The following CPEB2 variants were observed in gnomAD, a reference collection of about 807,000 sequenced individuals.
CPEB2 encodes the protein cytoplasmic polyadenylation element-binding protein 2.
A neutral mutation model predicts 93.6 loss-of-function variants in CPEB2; 56 were observed. The ratio of observed to expected loss-of-function variants is 0.60; its 90% CI spans 0.48 to 0.75. CPEB2 has a LOEUF of 0.75. CPEB2 is among the 30% of genes least tolerant of loss of function. The pLI is 0.00. For missense variants in CPEB2, 1,579 were observed against 1,395.1 expected, an observed-to-expected ratio of 1.13 and a Z score of -2.10; for synonymous variants, 764 against 586.3, an observed-to-expected ratio of 1.30 and a Z score of -4.38.
chr4:15,037,574 A>G (rs536343833), intron 5 of CPEB2, among the ~76,000 whole-genome samples: 1 of 152,264 alleles, frequency 6.6e-6, no homozygotes, highest in Admixed American at 6.5e-5. Flanking sequence ...TTTTGTAGCT[A>G]TGGATTAGAT....
At chr4:15,046,652 A>G (rs1214257941) in intron 6 of CPEB2, among the ~76,000 whole-genome samples, 1 of 152,020 alleles carries the variant, frequency 6.6e-6, no homozygotes, top group Non-Finnish European at 1.5e-5. Flanking sequence ...AACCCATTCC[A>G]TTGTATTCTT....
chr4:15,065,349 T>C (rs946985626), intron 11 of CPEB2, among the ~76,000 whole-genome samples: 11 of 152,138 alleles, frequency 7.2e-5, no homozygotes, highest in Non-Finnish European at 1.2e-4. Flanking sequence ...GCTGTTATGC[T>C]GTCTGGCACT....
chr4:15,064,565 C>G (rs888266499), intron 11 of CPEB2, among the ~76,000 whole-genome samples: 1 of 150,922 alleles, frequency 6.6e-6, no homozygotes, highest in Admixed American at 6.6e-5. Context: ...TTCAATCTGT[C>G]TAAAATCTTA....
At chr4:15,021,358 G>A (rs1015815654) in intron 4 of CPEB2, among the ~76,000 whole-genome samples, 1 of 152,044 alleles carries the variant, frequency 6.6e-6, no homozygotes, top group African/African-American at 2.4e-5. Flanking sequence ...GTACTGTTTT[G>A]TAGTTTTTCA....
At chr4:15,024,732 T>A (rs1007718811) in intron 4 of CPEB2, among the ~76,000 whole-genome samples, 2 of 140,152 alleles carry the variant, frequency 1.4e-5, no homozygotes, top group African/African-American at 5.3e-5. Context: ...TGGGATATTA[T>A]TTCTTTGATA....
At chr4:15,031,860 G>T (rs4345178) in intron 4 of CPEB2, among the ~76,000 whole-genome samples, 1 of 151,966 alleles carries the variant, frequency 6.6e-6, no homozygotes, top group Admixed American at 6.6e-5. Flanking sequence ...AAATCCAACC[G>T]ACAATCTCCA....
intron 4 of CPEB2, among the ~76,000 whole-genome samples, chr4:15,021,432 C>A (rs1219115775): frequency 1.3e-5 from 2 of 152,034 alleles, no homozygotes; most frequent in African/African-American, 2.4e-5. Context: ...TATATATATT[C>A]CCCCTTTAAC....
At chr4:15,013,426 G>A (rs1395278278) in intron 3 of CPEB2, among the ~76,000 whole-genome samples, 1 of 151,940 alleles carries the variant, frequency 6.6e-6, no homozygotes, top group African/African-American at 2.4e-5. Context: ...AAATTACATT[G>A]CTATGATTTT....
Position 15,003,673 on chromosome 4 carries a change from C to A in CPEB2, c.1000C>A (p.Leu334Ile). ...SPSNLLPGGALGAGAFSSLQS... is the reference protein window; with the variant it reads ...SPSNLLPGGAIGAGAFSSLQS... ...CAGTAACCTCCTGCCCGGAGGTGCG[C>A]TTGGCGCGGGCGCCTTCAGCAGCCT... The change falls in exon 1 of 12, where the codon CTT (leucine) becomes ATT (isoleucine). Residue 334 changes from leucine (L) to isoleucine (I), a missense_variant. By Grantham distance (5) the Leu-to-Ile change is conservative. Around this residue, in one of 2 missense-constraint regions of CPEB2, gnomAD observed 1,411 missense variants for 1,056.0 expected, o/e 1.34. Transcript: ENST00000538197. The A allele has an allele frequency of 6.8e-7, 1 of 1,465,716 alleles. No individual in the cohort carries two copies. Among genetic ancestry groups the A allele is most frequent in the South Asian group, 1.3e-5 (1 of 77,730 alleles). The allele number at this position is 1,465,716 out of a possible 1,614,324, so 90.8% of individuals were successfully genotyped here.
In CPEB2 at chr4:15,065,476, G is replaced by A. The variant is rs143828539; in HGVS notation, c.2878-677G>A. On this transcript the variant is annotated intron_variant, in intron 11 of 11. Transcript: ENST00000538197. ...TTTATAGAATATTTTACCATGTGCC[G>A]AGCACTGTCTTATGCTTTTACATTC... Among the ~76,000 whole-genome samples, 111 of 152,110 alleles carry A rather than the reference G, an allele frequency of 7.3e-4. 1 individual carries two copies. The highest frequency in any genetic ancestry group is 2.1e-3 in the African/African-American group (87 of 41,510).
rs906137670 is a variant in CPEB2, at chr4:15,067,440, G to C, written c.*1060G>C. 1 of 152,386 alleles carries C rather than the reference G, an allele frequency of 6.6e-6. No individual in the cohort carries two copies. The highest frequency in any genetic ancestry group is 2.1e-4 in the South Asian group (1 of 4,832). 9.4% of individuals were successfully genotyped at this position (152,386 alleles called of 1,614,324 possible). On this transcript the variant is annotated 3_prime_UTR_variant, in exon 12 of 12. Transcript: ENST00000538197. ...TTTGTGACGTGCGGTTCTAATTCAT[G>C]TGCAGTGATATAGTATAGATAAAAG...
intron 3 of CPEB2, among the ~76,000 whole-genome samples, chr4:15,016,032 A>G (rs1204943357): frequency 6.6e-6 from 1 of 152,044 alleles, no homozygotes; most frequent in Non-Finnish European, 1.5e-5. Context: ...AGTATATTAC[A>G]TATAATCTCA....
intron 4 of CPEB2, among the ~76,000 whole-genome samples, chr4:15,023,564 A>T (rs1366086038): frequency 2.0e-5 from 3 of 152,050 alleles, no homozygotes; most frequent in African/African-American, 7.2e-5. Flanking sequence ...TATTTGCAGT[A>T]ATTAAATCTT....
In CPEB2 at chr4:15,066,347, T is replaced by C. The variant is rs369169081; in HGVS notation, c.3072T>C (p.Asp1024=). 3.8e-5 allele frequency: 62 copies of C among 1,611,346 alleles called. No individual in the cohort carries two copies. Among genetic ancestry groups the C allele is most frequent in the Middle Eastern group, 3.3e-4 (2 of 6,078 alleles). ...AGCCATTGGTAAAGGAAGGTGCTGA[T>C]CGCCCACGTCAGATCCACTTCCGCT... ...FHKPLVKEGA[D]RPRQIHFRWN is the part of the protein sequence containing the mutation. Residue 1024 remains aspartate (D), a synonymous_variant, in exon 12 of 12, where the codon GAT becomes GAC. Coordinates refer to ENST00000538197, the MANE Select transcript of CPEB2 (RefSeq NM_001177382.2).
chr4:15,002,540 CT>C lies in CPEB2; in HGVS notation c.-133del, dbSNP rs1203747440. The C allele has an allele frequency of 1.2e-4, 85 of 691,196 alleles. 1 individual carries two copies. Among genetic ancestry groups the C allele is most frequent in the Non-Finnish European group, 1.8e-4 (81 of 453,468 alleles). 42.8% of individuals were successfully genotyped at this position (691,196 alleles called of 1,614,324 possible). A position where few individuals can be genotyped will look rare whatever the true frequency, so the allele number is the denominator to read the frequency against. ...GTGGTGGGGCCGAAGTCGGTGCCCC[CT>C]GGCTCAGTCACGGTGTCCCTCTCTC... On this transcript the variant is annotated 5_prime_UTR_variant, in exon 1 of 12. Transcript: ENST00000538197.
intron 3 of CPEB2, among the ~76,000 whole-genome samples, chr4:15,010,145 TG>T (rs900410528): frequency 3.9e-4 from 60 of 152,178 alleles, no homozygotes; most frequent in African/African-American, 1.4e-3. Flanking sequence ...GCCTGAAACT[TG>T]GATCTTCTTC....
At chr4:15,016,368 C>T (rs974550348) in intron 3 of CPEB2, among the ~76,000 whole-genome samples, 1 of 151,924 alleles carries the variant, frequency 6.6e-6, no homozygotes, top group Non-Finnish European at 1.5e-5. Flanking sequence ...GAACAGAATA[C>T]AGTAGAAATT....
At chr4:15,043,488 T>C (rs1008552697) in intron 6 of CPEB2, among the ~76,000 whole-genome samples, 1 of 152,132 alleles carries the variant, frequency 6.6e-6, no homozygotes, top group Admixed American at 6.5e-5. Context: ...GAAAACTACT[T>C]ATCATTTGTA....
intron 5 of CPEB2, among the ~76,000 whole-genome samples, chr4:15,038,585 CT>C (rs369548599): frequency 0.011 from 1,555 of 137,170 alleles, 19 homozygotes; most frequent in African/African-American, 0.032. Context: ...GTAGTCTATT[CT>C]TTTTTTTTTT....
Sources: allele counts gnomAD v4.1 joint callset (sites outside exome capture counted in the v4.1 genomes callset), GRCh38; gene constraint gnomAD v4.1.1; regional missense constraint gnomAD v4.1.1; transcripts MANE v1.5; gene names NCBI Gene and HGNC (gene_info 2026-07-23, HGNC 2026-07-21).